OR10G8: variants seen among roughly 807,000 people sequenced by gnomAD.
OR10G8 encodes the protein olfactory receptor family 10 subfamily G member 8, also known as olfactory receptor 10G8.
For missense variants in OR10G8, 386 were observed against 384.9 expected (o/e 1.00, Z -0.02); for synonymous variants, 173 against 163.2 (o/e 1.06, Z -0.46).
Position 124,030,631 on chromosome 11 carries a change from T to A in OR10G8, c.*73T>A. On this transcript the variant is annotated 3_prime_UTR_variant, in exon 2 of 2. Coordinates refer to ENST00000641224, the MANE Select transcript of OR10G8 (RefSeq NM_001004464.2). ...AAAACATACAGGGGCAGGTATCTTT[T>A]GGATGTAATGAATTCTTTTCCTTTG... The A allele has an allele frequency of 8.2e-7, 1 of 1,215,890 alleles. No homozygotes were observed. Among genetic ancestry groups the A allele is most frequent in the Non-Finnish European group, 1.1e-6 (1 of 870,814 alleles). 75.3% of individuals were successfully genotyped at this position (1,215,890 alleles called of 1,614,324 possible).
Position 124,029,921 on chromosome 11 carries a change from T to C in OR10G8, c.299T>C (p.Leu100Pro). 6.2e-7 allele frequency: 1 copy of C among 1,614,102 alleles called. No individual in the cohort carries two copies. Among genetic ancestry groups the C allele is most frequent in the Non-Finnish European group, 8.5e-7 (1 of 1,180,014 alleles). ...AISFHSCMAQ[L>P]YFFHFLGGTE... ...TCCTTCCACAGCTGCATGGCTCAGC[T>C]CTATTTCTTTCACTTCCTAGGGGGC... Residue 100 changes from leucine to proline, a missense_variant, in exon 2 of 2, where the codon CTC becomes CCC. Physicochemically the swap from Leu to Pro is moderately conservative, Grantham distance 98. Coordinates refer to ENST00000641224, the MANE Select transcript of OR10G8 (RefSeq NM_001004464.2).
rs770738341 is a variant in OR10G8, at chr11:124,029,911, A to T, written c.289A>T (p.Met97Leu). Residue 97 changes from methionine (M) to leucine (L), a missense_variant, in exon 2 of 2, where the codon ATG (methionine) becomes TTG (leucine). Met to Leu is a conservative substitution (Grantham distance 15). Coordinates refer to ENST00000641224, the MANE Select transcript of OR10G8 (RefSeq NM_001004464.2). ...SGRAISFHSC[M>L]AQLYFFHFLG... ...CAGGGCTATCTCCTTCCACAGCTGC[A>T]TGGCTCAGCTCTATTTCTTTCACTT... 6.2e-7 allele frequency: 1 copy of T among 1,614,084 alleles called. No individual in the cohort carries two copies. The highest frequency in any genetic ancestry group is 8.5e-7 in the Non-Finnish European group (1 of 1,180,012).
intron 1 of OR10G8, among the ~76,000 whole-genome samples, chr11:124,028,411 G>A (rs547234236): frequency 1.3e-5 from 2 of 152,284 alleles, no homozygotes; most frequent in African/African-American, 4.8e-5. Context: ...TTGAAAGCAG[G>A]CAGTAGTGAG....
chr11:124,030,534 A>C lies in OR10G8; in HGVS notation c.912A>C (p.Lys304Asn). Residue 304 changes from lysine to asparagine, a missense_variant, in exon 2 of 2, where the codon AAA (lysine) becomes AAC (asparagine). Physicochemically the swap from Lys to Asn is moderately conservative, Grantham distance 94. Coordinates refer to ENST00000641224, the MANE Select transcript of OR10G8 (RefSeq NM_001004464.2). The stretch of plus-strand genomic sequence containing the variant: ...AAGCTCTGTTGAAGCTGAAAGACAA[A>C]GTAGCACATTCTCAGAGCAAATAGA... ...VKKALLKLKD[K>N]VAHSQSK The C allele has an allele frequency of 3.1e-6, 5 of 1,598,694 alleles. No homozygotes were observed. The Admixed American group carries it at 7.0e-5, about 22-fold the overall frequency.
In OR10G8 at chr11:124,030,491, G is replaced by T; in HGVS notation, c.869G>T (p.Arg290Met). The T allele has an allele frequency of 6.2e-7, 1 of 1,610,200 alleles. No individual in the cohort carries two copies. Among genetic ancestry groups the T allele is most frequent in the Non-Finnish European group, 8.5e-7 (1 of 1,179,084 alleles). Reference protein sequence around the residue: ...PLLNPVVYTLRNKEVKKALLK... With the variant: ...PLLNPVVYTLMNKEVKKALLK... Reference sequence around the variant, plus strand: ...CTCAACCCTGTTGTGTACACCCTGAGGAACAAGGAGGTGAAGAAAGCTCTG... The same window carrying T: ...CTCAACCCTGTTGTGTACACCCTGATGAACAAGGAGGTGAAGAAAGCTCTG... The change falls in exon 2 of 2, where the codon AGG becomes ATG. Residue 290 changes from arginine to methionine, a missense_variant. Coordinates refer to ENST00000641224, the MANE Select transcript of OR10G8 (RefSeq NM_001004464.2).
At chr11:124,028,292 G>T (rs1031831247) in intron 1 of OR10G8, among the ~76,000 whole-genome samples, 24 of 152,184 alleles carry the variant, frequency 1.6e-4, no homozygotes, top group African/African-American at 5.8e-4. Context: ...GCAGGGGACA[G>T]TTATGCATGA....
At chr11:124,028,774 T>G (rs75649850) in intron 1 of OR10G8, among the ~76,000 whole-genome samples, 6,426 of 152,208 alleles carry the variant, frequency 0.042, 320 homozygotes, top group East Asian at 0.14. Flanking sequence ...CCACTAACAA[T>G]TAAATTCTTG....
chr11:124,030,243 G>A lies in OR10G8; in HGVS notation c.621G>A (p.Ser207=), dbSNP rs140855245. The A allele has an allele frequency of 5.8e-4, 933 of 1,614,170 alleles. 1 individual carries two copies. In the African/African-American group the frequency reaches 9.4e-3, roughly 16 times the overall value. The change falls in exon 2 of 2, where the codon TCG becomes TCA. Residue 207 remains serine (S), a synonymous_variant. Transcript: ENST00000641224. The part of the protein sequence containing the change: ...VIFVTVGIVA[S]GCFVLIVLSY... The stretch of plus-strand genomic sequence containing the variant: ...TTGTGACTGTTGGAATAGTGGCCTC[G>A]GGCTGCTTTGTCCTGATAGTGCTGT...
At chr11:124,029,469 C>A (rs1864133685) in intron 1 of OR10G8, 127 bp from the exon 2 acceptor site, 1 of 839,736 alleles carries the variant, frequency 1.2e-6, no homozygotes, top group Non-Finnish European at 1.9e-6. Flanking sequence ...ATGAAGGAAG[C>A]TTTGTTAACA....
Position 124,030,621 on chromosome 11 carries a change from A to T in OR10G8, c.*63A>T, listed in dbSNP as rs2137565124. 7.5e-7 allele frequency: 1 copy of T among 1,333,258 alleles called. No homozygotes were observed. Among genetic ancestry groups the T allele is most frequent in the African/African-American group, 1.5e-5 (1 of 68,072 alleles). 82.6% of individuals were successfully genotyped at this position (1,333,258 alleles called of 1,614,324 possible). A position where few individuals can be genotyped will look rare whatever the true frequency, so the allele number is the denominator to read the frequency against. On this transcript the variant is annotated 3_prime_UTR_variant, in exon 2 of 2. Transcript: ENST00000641224. ...AGTGCTGTGAAAAACATACAGGGGCAGGTATCTTTTGGATGTAATGAATTC... is the reference window on the plus strand; with the variant it reads ...AGTGCTGTGAAAAACATACAGGGGCTGGTATCTTTTGGATGTAATGAATTC...
rs1864147990 is a variant in OR10G8, at chr11:124,030,408, C to T, written c.786C>T (p.Gly262=). The T allele has an allele frequency of 6.2e-7, 1 of 1,614,096 alleles. No individual in the cohort carries two copies. Among genetic ancestry groups the T allele is most frequent in the Admixed American group, 1.7e-5 (1 of 60,014 alleles). ...GPGLFIYLRP[G]SRKAVDGVVA... is the part of the protein sequence containing the mutation. ...GTCTTTTCATTTACCTGAGGCCAGG[C>T]TCCAGGAAAGCTGTGGATGGAGTTG... Residue 262 remains glycine, a synonymous_variant, in exon 2 of 2, where the codon GGC becomes GGT. Coordinates refer to ENST00000641224, the MANE Select transcript of OR10G8 (RefSeq NM_001004464.2).
chr11:124,027,442 A>G (rs1864116524), intron 1 of OR10G8, among the ~76,000 whole-genome samples: 1 of 152,232 alleles, frequency 6.6e-6, no homozygotes, highest in Non-Finnish European at 1.5e-5. Flanking sequence ...GGATACTAAT[A>G]GAGACAAAGT....
At chr11:124,028,332 G>A (rs999723412) in intron 1 of OR10G8, among the ~76,000 whole-genome samples, 1 of 152,114 alleles carries the variant, frequency 6.6e-6, no homozygotes, top group African/African-American at 2.4e-5. Flanking sequence ...CATTTGGGAG[G>A]TCGTGGGAAT....
In OR10G8 at chr11:124,029,712, G is replaced by A. The variant is rs768363582; in HGVS notation, c.90G>A (p.Leu30=). The stretch of plus-strand genomic sequence containing the variant: ...ACGCCCCCCTCTTTGGAGTCTTCCT[G>A]GTGGTTTACGTGCTCACTGTGCTGG... The part of the protein sequence containing the change: ...ALDAPLFGVF[L]VVYVLTVLGN... Residue 30 remains leucine, a synonymous_variant, in exon 2 of 2, where the codon CTG becomes CTA. Transcript: ENST00000641224. 9.3e-6 allele frequency: 15 copies of A among 1,613,924 alleles called. No homozygotes were observed. The highest frequency in any genetic ancestry group is 1.7e-4 in the Middle Eastern group (1 of 6,056).
At position 124,029,695 on chromosome 11, in the gene OR10G8, C is replaced by A. The variant is rs147950397; in HGVS notation, c.73C>A (p.Leu25Ile). The change falls in exon 2 of 2, where the codon CTC (leucine) becomes ATC (isoleucine). Residue 25 changes from leucine to isoleucine, a missense_variant. Leu to Ile is a conservative substitution (Grantham distance 5). Transcript: ENST00000641224. ...LPHAPALDAP[L>I]FGVFLVVYVL... ...CCATGCCCCAGCGCTGGACGCCCCC[C>A]TCTTTGGAGTCTTCCTGGTGGTTTA... The A allele has an allele frequency of 1.0e-4, 164 of 1,613,972 alleles. 2 individuals are homozygous for A. In the Middle Eastern group the frequency reaches 1.7e-3, roughly 16 times the overall value.
At position 124,030,319 on chromosome 11, in the gene OR10G8, A is replaced by C; in HGVS notation, c.697A>C (p.Lys233Gln). 1.2e-6 allele frequency: 2 copies of C among 1,614,180 alleles called. No homozygotes were observed. Among genetic ancestry groups the C allele is most frequent in the Admixed American group, 3.3e-5 (2 of 60,028 alleles). The change falls in exon 2 of 2, where the codon AAG (lysine) becomes CAG (glutamine). Residue 233 changes from lysine to glutamine, a missense_variant. Physicochemically the swap from Lys to Gln is moderately conservative, Grantham distance 53 (BLOSUM62 1). Coordinates refer to ENST00000641224, the MANE Select transcript of OR10G8 (RefSeq NM_001004464.2). ...SILRIRTSEG[K>Q]HRAFQTCASH... ...CCTGCGGATCCGCACCTCAGAGGGGAAGCACAGAGCCTTTCAGACCTGTGC... is the reference window on the plus strand; with the variant it reads ...CCTGCGGATCCGCACCTCAGAGGGGCAGCACAGAGCCTTTCAGACCTGTGC...
rs1184795895 is a variant in OR10G8 at position 124,030,577 on chromosome 11, T to C, written c.*19T>C. 1 of 1,535,174 alleles carries C rather than the reference T, an allele frequency of 6.5e-7. No homozygotes were observed. The highest frequency in any genetic ancestry group is 2.3e-5 in the East Asian group (1 of 44,402). On this transcript the variant is annotated 3_prime_UTR_variant, in exon 2 of 2. Transcript: ENST00000641224. ...CAAATAGACACTAGGGAAGATTACA[T>C]ATCTTAGCTCTTGTGAATAGTGCTG...
In OR10G8 at chr11:124,029,682, G is replaced by A. The variant is rs1452795560; in HGVS notation, c.60G>A (p.Ala20=). Residue 20 remains alanine, a synonymous_variant, in exon 2 of 2, where the codon GCG becomes GCA. Coordinates refer to ENST00000641224, the MANE Select transcript of OR10G8 (RefSeq NM_001004464.2). ...FILMGLPHAP[A]LDAPLFGVFL... Reference sequence around the variant, plus strand: ...TCATGGGCCTTCCCCATGCCCCAGCGCTGGACGCCCCCCTCTTTGGAGTCT... The same window carrying A: ...TCATGGGCCTTCCCCATGCCCCAGCACTGGACGCCCCCCTCTTTGGAGTCT... The A allele has an allele frequency of 3.1e-6, 5 of 1,613,782 alleles. No homozygotes were observed. The highest frequency in any genetic ancestry group is 1.3e-5 in the African/African-American group (1 of 74,896).
chr11:124,027,522 A>G (rs557582529), intron 1 of OR10G8, among the ~76,000 whole-genome samples: 3 of 152,312 alleles, frequency 2.0e-5, no homozygotes, highest in African/African-American at 7.2e-5. Flanking sequence ...CTCTTGCTTT[A>G]GGTCTCAGGC....
Sources: gnomAD v4.1 joint callset for allele counts (sites outside exome capture counted in the v4.1 genomes callset) on GRCh38, gnomAD v4.1.1 for gene constraint, MANE v1.5 for transcripts, NCBI Gene and HGNC (gene_info 2026-07-23, HGNC 2026-07-21) for gene names.